Variants in MED13L observed in about 807,000 individuals in gnomAD.
MED13L encodes the protein mediator complex subunit 13L, also known as mediator of RNA polymerase II transcription subunit 13-like.
In MED13L, 7 loss-of-function variants were observed where a neutral mutation model predicts 220.9. The ratio of observed to expected loss-of-function variants is 0.03; its 90% CI spans 0.02 to 0.06. The LOEUF is 0.06. MED13L is among the 10% of genes least tolerant of loss of function. MED13L has a pLI of 1.00. For synonymous variants in MED13L, 1,011 were observed against 1,015.2 expected, an observed-to-expected ratio of 1.00 and a Z score of 0.08; for missense variants, 1,965 against 2,760.5, an observed-to-expected ratio of 0.71 and a Z score of 6.46.
intron 3 of MED13L, 83 bp downstream of exon 3, chr12:116,111,345 T>A (rs1008529880): frequency 2.3e-5 from 26 of 1,114,314 alleles, no homozygotes; most frequent in Non-Finnish European, 3.4e-5. Flanking sequence ...AAGTGAAAAG[T>A]TTTTGAAAAT....
At chr12:116,158,018 G>A (rs963913373) in intron 2 of MED13L, among the ~76,000 whole-genome samples, 6 of 152,072 alleles carry the variant, frequency 3.9e-5, no homozygotes, top group African/African-American at 1.2e-4. Flanking sequence ...AAGACAGTCC[G>A]GAGTAAAAAC....
At chr12:116,084,257 T>C (rs187645235) in intron 4 of MED13L, among the ~76,000 whole-genome samples, 1 of 152,314 alleles carries the variant, frequency 6.6e-6, no homozygotes, top group Admixed American at 6.5e-5. Flanking sequence ...AACTTACCTT[T>C]TTGAACCTAC....
At chr12:116,035,276 G>C (rs1881114017) in intron 4 of MED13L, among the ~76,000 whole-genome samples, 2 of 151,982 alleles carry the variant, frequency 1.3e-5, no homozygotes, top group Non-Finnish European at 2.9e-5. Flanking sequence ...ATATAAAGGG[G>C]GAAAAATTCT....
At position 116,141,564 on chromosome 12, in the gene MED13L, T is replaced by A. The variant is rs1877079921; in HGVS notation, c.311-30052A>T. 2.0e-5 allele frequency among the ~76,000 whole-genome samples: 3 copies of A among 152,190 alleles called. No individual in the cohort carries two copies. The South Asian group carries it at 6.2e-4, about 32-fold the overall frequency. On this transcript the variant is annotated intron_variant, in intron 2 of 30. Transcript: ENST00000281928. ...TAAATGTATTGAAATTTTTGCTTTA[T>A]CCTAACTCTCTTGACAGTCTACATC...
At chr12:116,214,961 A>T (rs1029942793) in intron 2 of MED13L, among the ~76,000 whole-genome samples, 2 of 152,202 alleles carry the variant, frequency 1.3e-5, no homozygotes, top group African/African-American at 4.8e-5. Flanking sequence ...CACTACTACC[A>T]ACTAATATAT....
chr12:116,027,086 A>C (rs1277473056), intron 4 of MED13L, among the ~76,000 whole-genome samples: 1 of 89,828 alleles, frequency 1.1e-5, no homozygotes, highest in Non-Finnish European at 2.0e-5. Flanking sequence ...ATTTGCTTAC[A>C]ATTTGCATGT....
intron 2 of MED13L, among the ~76,000 whole-genome samples, chr12:116,151,860 C>A (rs939848340): frequency 5.3e-5 from 8 of 152,184 alleles, no homozygotes; most frequent in African/African-American, 1.9e-4. Context: ...CGACACTCAA[C>A]TTCTACTCCC....
chr12:115,983,013 C>G (rs1218399325), intron 21 of MED13L, 104 bp downstream of exon 21: 1 of 1,292,946 alleles, frequency 7.7e-7, no homozygotes, highest in African/African-American at 1.5e-5. Flanking sequence ...TAGAGCACTT[C>G]ATAGGATTCA....
chr12:116,276,410 G>A, intron 1 of MED13L: 1 of 1,285,986 alleles, frequency 7.8e-7, no homozygotes, highest in Middle Eastern at 2.2e-4. Context: ...AGGAGAGAAA[G>A]AAGAAAAAGC....
intron 2 of MED13L, among the ~76,000 whole-genome samples, chr12:116,214,834 CA>C (rs1429950512): frequency 1.3e-5 from 2 of 151,678 alleles, no homozygotes; most frequent in Admixed American, 6.6e-5. Context: ...ATTTTATTGC[CA>C]AAAAAAATTC....
chr12:116,126,996 A>T (rs1433809225), intron 2 of MED13L, among the ~76,000 whole-genome samples: 1 of 152,096 alleles, frequency 6.6e-6, no homozygotes, highest in Non-Finnish European at 1.5e-5. Context: ...AGGTTAAAAA[A>T]TATATATATT....
chr12:116,120,077 G>A (rs1285161460), intron 2 of MED13L, among the ~76,000 whole-genome samples: 1 of 151,920 alleles, frequency 6.6e-6, no homozygotes, highest in African/African-American at 2.4e-5. Context: ...AACATGCATA[G>A]AGTTGACTTG....
At chr12:116,031,732 AAAG>A (rs1467424018) in intron 4 of MED13L, among the ~76,000 whole-genome samples, 1 of 77,376 alleles carries the variant, frequency 1.3e-5, no homozygotes, top group African/African-American at 7.6e-5. Context: ...AAAGAAAAGA[AAAG>A]AAAAGAAAAG....
intron 4 of MED13L, among the ~76,000 whole-genome samples, chr12:116,059,602 G>T (rs1475062394): frequency 4.6e-5 from 7 of 151,930 alleles, no homozygotes. Flanking sequence ...GTTTTTAATA[G>T]AGACGGGGTT....
intron 4 of MED13L, among the ~76,000 whole-genome samples, chr12:116,040,669 T>C (rs1592977505): frequency 6.6e-6 from 1 of 152,066 alleles, no homozygotes; most frequent in East Asian, 1.9e-4. Flanking sequence ...TGGAAACTAC[T>C]CAAACTCCCA....
intron 8 of MED13L, among the ~76,000 whole-genome samples, chr12:116,013,584 C>A (rs949816911): frequency 6.6e-6 from 1 of 152,128 alleles, no homozygotes. Flanking sequence ...TCCGGTCCCA[C>A]GAACTTTGAG....
chr12:116,275,672 G>C (rs1335616187), intron 1 of MED13L, among the ~76,000 whole-genome samples: 1 of 152,132 alleles, frequency 6.6e-6, no homozygotes, highest in African/African-American at 2.4e-5. Flanking sequence ...GGGAAATAAT[G>C]CTTCTATCTA....
At chr12:116,060,664 A>C (rs1325510486) in intron 4 of MED13L, among the ~76,000 whole-genome samples, 1 of 152,144 alleles carries the variant, frequency 6.6e-6, no homozygotes, top group Non-Finnish European at 1.5e-5. Flanking sequence ...CAATTAACTG[A>C]AAGTACTACT....
chr12:116,032,705 C>T (rs764136836), intron 4 of MED13L, among the ~76,000 whole-genome samples: 4 of 152,150 alleles, frequency 2.6e-5, no homozygotes, highest in Admixed American at 2.6e-4. Context: ...AAGTTACAAC[C>T]GCCATGGGTC....
Sources: gnomAD v4.1 joint callset for allele counts (sites outside exome capture counted in the v4.1 genomes callset) on GRCh38, gnomAD v4.1.1 for gene constraint, MANE v1.5 for transcripts, NCBI Gene and HGNC (gene_info 2026-07-23, HGNC 2026-07-21) for gene names.